NLGN1: variants seen among roughly 807,000 people sequenced by gnomAD.
The protein encoded by NLGN1 is neuroligin-1.
Under a neutral mutation model 65.5 loss-of-function variants are expected in NLGN1, and 12 were observed. The ratio of observed to expected loss-of-function variants is 0.18; its 90% CI spans 0.12 to 0.30. The LOEUF (loss-of-function observed/expected upper bound fraction) is 0.30. NLGN1 is among the 10% of genes least tolerant of loss of function. The pLI is 1.00. For missense variants in NLGN1, 750 were observed against 1,007.1 expected, an observed-to-expected ratio of 0.74 and a Z score of 3.46; for synonymous variants, 350 against 359.5, an observed-to-expected ratio of 0.97 and a Z score of 0.30.
chr3:173,737,684 T>C (rs1025934263), intron 3 of NLGN1, among the ~76,000 whole-genome samples: 2 of 152,112 alleles, frequency 1.3e-5, no homozygotes, highest in African/African-American at 4.8e-5. Context: ...TTTTTCTACT[T>C]TTTGGTTAGT....
intron 4 of NLGN1, among the ~76,000 whole-genome samples, chr3:174,027,172 A>G (rs745843399): frequency 6.6e-6 from 1 of 152,126 alleles, no homozygotes; most frequent in Non-Finnish European, 1.5e-5. Context: ...GTTCCTGCAT[A>G]CTATAACACA....
intron 4 of NLGN1, among the ~76,000 whole-genome samples, chr3:173,833,990 C>CAATT (rs33932449): frequency 0.68 from 102,804 of 151,808 alleles, 35,557 homozygotes; most frequent in Non-Finnish European, 0.74. Flanking sequence ...GTTTACTTCT[C>CAATT]AAACTTAAAA....
intron 4 of NLGN1, among the ~76,000 whole-genome samples, chr3:174,093,188 C>G (rs779843266): frequency 4.6e-5 from 7 of 152,144 alleles, no homozygotes; most frequent in African/African-American, 9.7e-5. Flanking sequence ...TGTGCCAACA[C>G]GGAACCTTAT....
chr3:173,398,232 T>C (rs1237252659), upstream of NLGN1, among the ~76,000 whole-genome samples: 4 of 152,150 alleles, frequency 2.6e-5, no homozygotes, highest in Non-Finnish European at 5.9e-5. Flanking sequence ...CCCCAGGCCC[T>C]CCGGCTAGTT....
At chr3:173,461,347 A>T (rs34257) in intron 2 of NLGN1, among the ~76,000 whole-genome samples, 115,940 of 151,874 alleles carry the variant, frequency 0.76, 46,197 homozygotes, top group East Asian at 0.97. Context: ...GTTCTCCCAG[A>T]CCCATTTGTT....
intron 3 of NLGN1, among the ~76,000 whole-genome samples, chr3:173,725,508 G>A (rs544213109): frequency 2.0e-5 from 3 of 152,050 alleles, no homozygotes; most frequent in Non-Finnish European, 4.4e-5. Context: ...TATTAAAGGG[G>A]GATCCCTTCC....
chr3:173,714,082 G>A (rs1769442013), intron 3 of NLGN1, among the ~76,000 whole-genome samples: 1 of 152,000 alleles, frequency 6.6e-6, no homozygotes. Context: ...TAGAATTTGA[G>A]GTTTAAATTA....
chr3:173,495,276 A>AT (rs1398825227), intron 2 of NLGN1, among the ~76,000 whole-genome samples: 3 of 151,714 alleles, frequency 2.0e-5, no homozygotes, highest in Non-Finnish European at 4.4e-5. Flanking sequence ...TTTAAATTTC[A>AT]TAGTTCAGTG....
intron 1 of NLGN1, among the ~76,000 whole-genome samples, chr3:173,413,536 G>A (rs568297646): frequency 6.6e-6 from 1 of 152,242 alleles, no homozygotes; most frequent in East Asian, 1.9e-4. Context: ...GGAGGCAGAG[G>A]TTGCAGTGAG....
intron 4 of NLGN1, among the ~76,000 whole-genome samples, chr3:174,246,262 A>T (rs1457913040): frequency 6.6e-6 from 1 of 152,194 alleles, no homozygotes; most frequent in Non-Finnish European, 1.5e-5. Context: ...AATGAAAATC[A>T]TTAATTTTTC....
At chr3:173,759,017 G>A (rs1278776717) in intron 3 of NLGN1, among the ~76,000 whole-genome samples, 5 of 151,786 alleles carry the variant, frequency 3.3e-5, no homozygotes, top group Admixed American at 2.0e-4. Context: ...CTTGCATGAC[G>A]TTCAGCCTAT....
intron 3 of NLGN1, among the ~76,000 whole-genome samples, chr3:173,605,894 A>G (rs1047655607): frequency 2.0e-5 from 3 of 152,110 alleles, no homozygotes; most frequent in Non-Finnish European, 4.4e-5. Context: ...GATACCTGCA[A>G]GGAACCAAAA....
chr3:174,289,963 A>ATATG (rs1197095084), downstream of NLGN1, among the ~76,000 whole-genome samples: 117 of 113,696 alleles, frequency 1.0e-3, no homozygotes, highest in African/African-American at 3.7e-3. Flanking sequence ...GTGTATATAT[A>ATATG]TATATGTATA....
intron 4 of NLGN1, among the ~76,000 whole-genome samples, chr3:174,032,508 T>G (rs2152475183): frequency 6.6e-6 from 1 of 152,270 alleles, no homozygotes; most frequent in East Asian, 1.9e-4. Flanking sequence ...GGGGAACTTG[T>G]TAGAAATGCA....
At chr3:174,175,765 A>G (rs1374013649) in intron 4 of NLGN1, among the ~76,000 whole-genome samples, 2 of 151,860 alleles carry the variant, frequency 1.3e-5, no homozygotes, top group Non-Finnish European at 2.9e-5. Flanking sequence ...CTCAGAGGAG[A>G]TTAAAAGATT....
At chr3:173,457,144 G>T (rs1186963537) in intron 2 of NLGN1, among the ~76,000 whole-genome samples, 1 of 152,124 alleles carries the variant, frequency 6.6e-6, no homozygotes, top group Non-Finnish European at 1.5e-5. Flanking sequence ...GGTGGTGAAT[G>T]AGTTGAGGAG....
intron 3 of NLGN1, among the ~76,000 whole-genome samples, chr3:173,739,807 CAA>C (rs1774353346): frequency 1.3e-5 from 2 of 152,020 alleles, no homozygotes; most frequent in Non-Finnish European, 2.9e-5. Context: ...CATTTGTTAA[CAA>C]AACAAAGGTT....
intron 3 of NLGN1, among the ~76,000 whole-genome samples, chr3:173,675,028 C>T (rs542976276): frequency 3.6e-4 from 54 of 151,300 alleles, no homozygotes; most frequent in South Asian, 1.2e-3. Flanking sequence ...CATTATTTTT[C>T]GTATGTTGGC....
chr3:173,784,756 A>AGG (rs1397375266), intron 3 of NLGN1, among the ~76,000 whole-genome samples: 1 of 150,140 alleles, frequency 6.7e-6, no homozygotes, highest in African/African-American at 2.5e-5. Flanking sequence ...TGAAGAAGAG[A>AGG]GACTCATAAA....
Sources: allele counts gnomAD v4.1 joint callset (sites outside exome capture counted in the v4.1 genomes callset), GRCh38; gene constraint gnomAD v4.1.1; transcripts MANE v1.5; gene names NCBI Gene and HGNC (gene_info 2026-07-23, HGNC 2026-07-21).